The following EXTL3 variants were observed in gnomAD, a reference collection of about 807,000 sequenced individuals.
The protein encoded by EXTL3 is exostosin like glycosyltransferase 3.
In EXTL3, 27 loss-of-function variants were observed where a neutral mutation model predicts 69.3. The observed-to-expected ratio is 0.39, with a 90% CI of 0.29 to 0.54. The LOEUF (loss-of-function observed/expected upper bound fraction) is 0.54, where lower values mean the gene tolerates loss of function less well. Among genes scored for constraint, EXTL3 ranks in the 20% least tolerant of loss-of-function variants. The pLI is 0.69. For synonymous variants in EXTL3, 511 were observed against 499.4 expected, an observed-to-expected ratio of 1.02 and a Z score of -0.31; for missense variants, 1,003 against 1,231.8, an observed-to-expected ratio of 0.81 and a Z score of 2.78.
rs1801206499 is a variant in EXTL3, at chr8:28,718,128, A to G, written c.2069A>G (p.Asn690Ser). The G allele has an allele frequency of 1.2e-6, 2 of 1,613,894 alleles. No individual in the cohort carries two copies. The highest frequency in any genetic ancestry group is 1.7e-5 in the Admixed American group (1 of 59,984). ...LERLNGLPYL[N>S]KVVVVWNSPK... The stretch of plus-strand genomic sequence containing the variant: ...AGGCTGAATGGCCTCCCTTACCTGA[A>G]CAAGGTCGTGGTGGTGTGGAATTCT... The change falls in exon 3 of 7, where the codon AAC becomes AGC. Residue 690 changes from asparagine to serine, a missense_variant. Coordinates refer to ENST00000220562, the MANE Select transcript of EXTL3 (RefSeq NM_001440.4).
intron 1 of EXTL3, among the ~76,000 whole-genome samples, chr8:28,690,706 G>A (rs532751786): frequency 7.2e-5 from 11 of 152,264 alleles, no homozygotes; most frequent in Non-Finnish European, 8.8e-5. Context: ...TCACCTGGGC[G>A]TCTCCATAGT....
At chr8:28,662,818 G>A (rs563150469) in intron 1 of EXTL3, among the ~76,000 whole-genome samples, 1 of 152,102 alleles carries the variant, frequency 6.6e-6, no homozygotes, top group South Asian at 2.1e-4. Context: ...AGGCTGAGGT[G>A]GGAGCTCCTT....
At chr8:28,642,498 A>G (rs888463903) in intron 1 of EXTL3, among the ~76,000 whole-genome samples, 1 of 151,614 alleles carries the variant, frequency 6.6e-6, no homozygotes, top group Non-Finnish European at 1.5e-5. Context: ...CATACCTGTA[A>G]TCCCAGCACT....
At position 28,750,604 on chromosome 8, in the gene EXTL3, G is replaced by A. The variant is rs569476181; in HGVS notation, c.2551-53G>A. 6.5e-5 allele frequency: 94 copies of A among 1,447,356 alleles called. No homozygotes were observed. Among genetic ancestry groups the A allele is most frequent in the Admixed American group, 1.3e-4 (8 of 59,734 alleles). The allele number at this position is 1,447,356 out of a possible 1,614,324, so 89.7% of individuals were successfully genotyped here. Reference sequence around the variant, plus strand: ...GTGTGGGATCGGCTCAGCTGCAAGGGTTCTGTCAGTATTAGCTGGGATTCC... The same window carrying A: ...GTGTGGGATCGGCTCAGCTGCAAGGATTCTGTCAGTATTAGCTGGGATTCC... On this transcript the variant is annotated intron_variant, in intron 6 of 6. Coordinates refer to ENST00000220562, the MANE Select transcript of EXTL3 (RefSeq NM_001440.4). This position sits in a 1 kb window ranked among gnomAD's most constrained non-coding sequence, Gnocchi z 5.2.
chr8:28,682,626 T>C (rs141278001), intron 1 of EXTL3, among the ~76,000 whole-genome samples: 2,018 of 152,182 alleles, frequency 0.013, 49 homozygotes, highest in African/African-American at 0.046. Context: ...GTATTTCTAG[T>C]AGAGATGAGG....
chr8:28,613,284 A>G (rs531536815), intron 2 of EXTL3, among the ~76,000 whole-genome samples: 1 of 151,788 alleles, frequency 6.6e-6, no homozygotes, highest in Non-Finnish European at 1.5e-5. Context: ...CCTGGGTTCA[A>G]ATGATTCTCC....
chr8:28,717,562 C>A lies in EXTL3; in HGVS notation c.1503C>A (p.Ser501=). 1.2e-6 allele frequency: 2 copies of A among 1,614,248 alleles called. No homozygotes were observed. The highest frequency in any genetic ancestry group is 2.2e-5 in the South Asian group (2 of 91,082). ...TTCATTTCCTGCTCAGAAGCCTCTC[C>A]GATAGTGACCTCCTGGCTATGAGGC... The part of the protein sequence containing the change: ...TEVHFLLRSL[S]DSDLLAMRRQ... Residue 501 remains serine, a synonymous_variant, in exon 3 of 7, where the codon TCC becomes TCA. Coordinates refer to ENST00000220562, the MANE Select transcript of EXTL3 (RefSeq NM_001440.4). The surrounding 1 kb of genome is among the most constrained non-coding windows in gnomAD (Gnocchi z 8.3).
intron 1 of EXTL3, among the ~76,000 whole-genome samples, chr8:28,633,525 T>C (rs1806603365): frequency 6.6e-6 from 1 of 151,740 alleles, no homozygotes; most frequent in South Asian, 2.1e-4. Flanking sequence ...TCCCAGCTAC[T>C]TGGCAAGCTG....
chr8:28,667,601 T>C (rs894883766), intron 1 of EXTL3, among the ~76,000 whole-genome samples: 6 of 151,968 alleles, frequency 3.9e-5, no homozygotes, highest in Non-Finnish European at 5.9e-5. Flanking sequence ...CAGAATCAAA[T>C]TGTGTTTAAG....
intron 3 of EXTL3, among the ~76,000 whole-genome samples, chr8:28,724,894 C>T (rs1034023345): frequency 2.0e-5 from 3 of 152,220 alleles, no homozygotes; most frequent in Non-Finnish European, 4.4e-5. Flanking sequence ...TCCCCACTCA[C>T]TTCAAGCTCT....
intron 1 of EXTL3, among the ~76,000 whole-genome samples, chr8:28,678,798 A>G (rs1807432016): frequency 2.0e-5 from 3 of 152,320 alleles, no homozygotes; most frequent in Admixed American, 2.0e-4. Flanking sequence ...AGGGAAAAGC[A>G]TGATTTCCCC....
intron 1 of EXTL3, among the ~76,000 whole-genome samples, chr8:28,637,819 G>A (rs75676747): frequency 0.037 from 5,656 of 152,110 alleles, 182 homozygotes; most frequent in Non-Finnish European, 0.048. Flanking sequence ...CCAGCTTCTT[G>A]GCTTAGAATT....
chr8:28,737,248 T>C (rs552616368), intron 4 of EXTL3, among the ~76,000 whole-genome samples: 1 of 152,234 alleles, frequency 6.6e-6, no homozygotes, highest in African/African-American at 2.4e-5. Flanking sequence ...GAGATCCCCT[T>C]TCCAAACTTA....
intron 1 of EXTL3, among the ~76,000 whole-genome samples, chr8:28,712,899 C>G (rs73568809): frequency 1.4e-4 from 21 of 152,262 alleles, no homozygotes; most frequent in African/African-American, 5.1e-4. Context: ...TGTTTAGACT[C>G]TGTATGTAGT....
Position 28,715,997 on chromosome 8 carries a change from A to G in EXTL3, c.-63A>G. On this transcript the variant is annotated 5_prime_UTR_variant, in exon 3 of 7. Transcript: ENST00000220562. ...AGTGAAACAGAGATCGTTTTGTGGA[A>G]TAGCAACCCATGGTTATGGCGAGTG... 4.4e-6 allele frequency: 6 copies of G among 1,370,324 alleles called. No homozygotes were observed. The highest frequency in any genetic ancestry group is 2.3e-5 in the East Asian group (1 of 43,472). The allele number at this position is 1,370,324 out of a possible 1,614,324, so 84.9% of individuals were successfully genotyped here. A position where few individuals can be genotyped will look rare whatever the true frequency, so the allele number is the denominator to read the frequency against.
intron 1 of EXTL3, among the ~76,000 whole-genome samples, chr8:28,678,504 T>C (rs1397934110): frequency 6.6e-6 from 1 of 152,050 alleles, no homozygotes; most frequent in Non-Finnish European, 1.5e-5. Flanking sequence ...CCCTCTCCCC[T>C]CTCTCTTTGC....
chr8:28,623,598 A>G lies in EXTL3; in HGVS notation c.-53+788A>G, dbSNP rs1001034442. Among the ~76,000 whole-genome samples the G allele has an allele frequency of 6.6e-6, 1 of 152,114 alleles. No homozygotes were observed. Among genetic ancestry groups the G allele is most frequent in the Admixed American group, 6.5e-5 (1 of 15,272 alleles). ...GCTCCATGCTGAAAGTCTAGACCCC[A>G]TCTTTGCCTACTTTTCAAGGCTTGG... On this transcript the variant is annotated intron_variant, in intron 1 of 6. Transcript: ENST00000523149. This position sits in a 1 kb window ranked among gnomAD's most constrained non-coding sequence, Gnocchi z 4.2.
upstream of EXTL3, among the ~76,000 whole-genome samples, chr8:28,620,111 G>A (rs1472744527): frequency 1.3e-5 from 2 of 151,712 alleles, no homozygotes; most frequent in African/African-American, 2.4e-5. Context: ...TTGACCTAGT[G>A]ATCTGCCCGC....
rs191478239 is a variant in EXTL3, at chr8:28,656,278, T to C, written c.-53+33468T>C. ...TCTGCCTCCTGGGAGGTTCAAGTGA[T>C]TCTCCTGCCTCAGCCTCTTGAGTAG... On this transcript the variant is annotated intron_variant, in intron 1 of 6. Transcript: ENST00000523149. 1.8e-4 allele frequency among the ~76,000 whole-genome samples: 28 copies of C among 151,916 alleles called. 1 individual carries two copies.
Sources: gnomAD v4.1 joint callset for allele counts (sites outside exome capture counted in the v4.1 genomes callset) on GRCh38, gnomAD v4.1.1 for gene constraint, Gnocchi (gnomAD v3.1) non-coding constraint, MANE v1.5 for transcripts, NCBI Gene and HGNC (gene_info 2026-07-23, HGNC 2026-07-21) for gene names.